Variants in ADAMTSL1 observed in about 807,000 individuals in gnomAD.
ADAMTSL1 encodes the protein ADAMTS-like protein 1.
A neutral mutation model predicts 201.8 loss-of-function variants in ADAMTSL1; 126 were observed. The observed-to-expected ratio is 0.62, with a 90% CI of 0.54 to 0.72. The LOEUF (loss-of-function observed/expected upper bound fraction) is 0.72. ADAMTSL1 is among the 30% of genes least tolerant of loss of function. The pLI is 0.00. For synonymous variants in ADAMTSL1, 1,121 were observed against 903.4 expected, an observed-to-expected ratio of 1.24 and a Z score of -4.32; for missense variants, 2,679 against 2,277.8, an observed-to-expected ratio of 1.18 and a Z score of -3.59.
intron 1 of ADAMTSL1, among the ~76,000 whole-genome samples, chr9:18,154,222 T>C (rs1171908152): frequency 6.6e-6 from 1 of 152,042 alleles, no homozygotes; most frequent in Non-Finnish European, 1.5e-5. Flanking sequence ...TCCATTGACC[T>C]ATTGTTATGT....
chr9:18,048,659 C>G (rs569357509), intron 1 of ADAMTSL1, among the ~76,000 whole-genome samples: 1 of 152,250 alleles, frequency 6.6e-6, no homozygotes, highest in East Asian at 1.9e-4. Flanking sequence ...TTACTTAAAA[C>G]ATAGATTTTA....
intron 1 of ADAMTSL1, among the ~76,000 whole-genome samples, chr9:18,134,529 G>T (rs1370259391): frequency 6.6e-6 from 1 of 152,106 alleles, no homozygotes; most frequent in Non-Finnish European, 1.5e-5. Context: ...TTGTTGAGAT[G>T]AGTTAAGTGG....
In ADAMTSL1 at chr9:18,162,346, C is replaced by T. The variant is rs139125519; in HGVS notation, c.88-1516C>T. Among the ~76,000 whole-genome samples, 639 of 152,114 alleles carry T rather than the reference C, an allele frequency of 4.2e-3. 5 individuals carry two copies. Among genetic ancestry groups the T allele is most frequent in the African/African-American group, 0.014 (581 of 41,520 alleles). On this transcript the variant is annotated intron_variant, in intron 1 of 29. Transcript: ENST00000680146. Reference sequence around the variant, plus strand: ...TTGTTTTTACATACTCATGTGATTACATTGGGCCTACCTGGATAATCCAGG... The same window carrying T: ...TTGTTTTTACATACTCATGTGATTATATTGGGCCTACCTGGATAATCCAGG...
At chr9:18,226,933 G>T (rs1830452445) in intron 2 of ADAMTSL1, among the ~76,000 whole-genome samples, 1 of 151,876 alleles carries the variant, frequency 6.6e-6, no homozygotes, top group Non-Finnish European at 1.5e-5. Context: ...ATGAAGGATG[G>T]GGTCCACAAA....
rs80226289 is a variant in ADAMTSL1 at position 18,515,098 on chromosome 9, G to C, written c.191+10142G>C. ...CCTAGTTACACTTTAGAATCACCTG[G>C]AAAGCTTTTAAAAAAAATACAGATA... On this transcript the variant is annotated intron_variant, in intron 2 of 28. Coordinates refer to ENST00000380548, the MANE Select transcript of ADAMTSL1 (RefSeq NM_001040272.6). Among the ~76,000 whole-genome samples, 1,452 of 152,122 alleles carry C rather than the reference G, an allele frequency of 9.5e-3. 15 individuals are homozygous for C. The highest frequency in any genetic ancestry group is 0.045 in the South Asian group (218 of 4,810).
rs10623938 is a variant in ADAMTSL1 at position 18,354,048 on chromosome 9, CATAT to C, written c.208-150763_208-150760del. 5.0e-4 allele frequency among the ~76,000 whole-genome samples: 71 copies of C among 142,558 alleles called. 1 individual carries two copies. The highest frequency in any genetic ancestry group is 9.4e-4 in the African/African-American group (37 of 39,404). The allele number at this position is 142,558 out of a possible 152,430, so 93.5% of individuals were successfully genotyped here. A position where few individuals can be genotyped will look rare whatever the true frequency, so the allele number is the denominator to read the frequency against. Reference sequence around the variant, plus strand: ...TATAGTTCCAGAATTTTTTTCTATACATATATATATATATATATATACCTATAAA... The same window carrying C: ...TATAGTTCCAGAATTTTTTTCTATACATATATATATATATATACCTATAAA... On this transcript the variant is annotated intron_variant, in intron 2 of 29. Coordinates refer to the ADAMTSL1 transcript ENST00000680146.
intron 2 of ADAMTSL1, among the ~76,000 whole-genome samples, chr9:18,291,920 T>G (rs1833289635): frequency 6.6e-6 from 1 of 152,242 alleles, no homozygotes; most frequent in South Asian, 2.1e-4. Context: ...TTGCAGCCAA[T>G]GTTGTTCATG....
chr9:18,365,629 G>A (rs919572212), intron 2 of ADAMTSL1, among the ~76,000 whole-genome samples: 30 of 152,124 alleles, frequency 2.0e-4, no homozygotes, highest in African/African-American at 6.5e-4. Flanking sequence ...CAGTTTTTTA[G>A]GCTAGGGTGA....
At chr9:18,326,808 T>C (rs13288466) in intron 2 of ADAMTSL1, among the ~76,000 whole-genome samples, 8,553 of 152,316 alleles carry the variant, frequency 0.056, 329 homozygotes, top group Middle Eastern at 0.092. Context: ...GAATGCATTT[T>C]TCCTAATGTG....
At chr9:18,188,704 T>C (rs1031383769) in intron 2 of ADAMTSL1, among the ~76,000 whole-genome samples, 1 of 152,206 alleles carries the variant, frequency 6.6e-6, no homozygotes, top group Non-Finnish European at 1.5e-5. Context: ...GGAAGATTCA[T>C]GGGTCAACCC....
At chr9:18,205,027 G>A (rs1188480350) in intron 2 of ADAMTSL1, among the ~76,000 whole-genome samples, 1 of 152,126 alleles carries the variant, frequency 6.6e-6, no homozygotes, top group Non-Finnish European at 1.5e-5. Flanking sequence ...CTCACAATCT[G>A]AGGAAGAGTG....
At chr9:18,774,897 C>T (rs1357789155) in intron 17 of ADAMTSL1, among the ~76,000 whole-genome samples, 4 of 152,124 alleles carry the variant, frequency 2.6e-5, no homozygotes, top group South Asian at 2.1e-4. Flanking sequence ...TGGGTAGATA[C>T]CCAGTAGTAA....
intron 2 of ADAMTSL1, among the ~76,000 whole-genome samples, chr9:18,278,424 G>A (rs993898500): frequency 6.6e-6 from 1 of 152,132 alleles, no homozygotes; most frequent in African/African-American, 2.4e-5. Context: ...GCCTGGTACA[G>A]TATTGTTGGT....
At chr9:18,740,454 T>C (rs10756983) in intron 15 of ADAMTSL1, among the ~76,000 whole-genome samples, 66,639 of 137,660 alleles carry the variant, frequency 0.48, 16,727 homozygotes, top group South Asian at 0.61. Flanking sequence ...TCAATGTTCC[T>C]TTCTTTTTTT....
intron 4 of ADAMTSL1, among the ~76,000 whole-genome samples, chr9:18,595,591 GC>G (rs1378596901): frequency 6.6e-6 from 1 of 152,234 alleles, no homozygotes. Flanking sequence ...GGCTCAGACT[GC>G]CAGGCTTGAC....
chr9:18,035,198 G>C (rs1821139230), intron 1 of ADAMTSL1, among the ~76,000 whole-genome samples: 1 of 152,178 alleles, frequency 6.6e-6, no homozygotes, highest in Non-Finnish European at 1.5e-5. Context: ...TCCCACAGCT[G>C]CTCCTCTACC....
chr9:18,213,982 C>A (rs1829975164), intron 2 of ADAMTSL1, among the ~76,000 whole-genome samples: 1 of 152,120 alleles, frequency 6.6e-6, no homozygotes. Context: ...GGCAATCTAC[C>A]CGCCTGGGCC....
intron 2 of ADAMTSL1, among the ~76,000 whole-genome samples, chr9:18,454,437 C>T (rs1490508435): frequency 1.3e-5 from 2 of 152,150 alleles, no homozygotes; most frequent in African/African-American, 2.4e-5. Flanking sequence ...CCTCTGGAAA[C>T]ACCCTCACAG....
At chr9:17,941,243 C>A (rs1827226906) in intron 1 of ADAMTSL1, among the ~76,000 whole-genome samples, 1 of 152,012 alleles carries the variant, frequency 6.6e-6, no homozygotes, top group African/African-American at 2.4e-5. Flanking sequence ...TCTTCCCATT[C>A]TTCTCTTTAT....
Sources: gnomAD v4.1 joint callset for allele counts (sites outside exome capture counted in the v4.1 genomes callset) on GRCh38, gnomAD v4.1.1 for gene constraint, MANE v1.5 for transcripts, NCBI Gene and HGNC (gene_info 2026-07-23, HGNC 2026-07-21) for gene names.